The following IRAG2 variants were observed in gnomAD, a reference collection of about 807,000 sequenced individuals.
IRAG2 encodes the protein lymphoid restricted membrane protein.
A neutral mutation model predicts 69.9 loss-of-function variants in IRAG2; 45 were observed. That is an observed-to-expected ratio of 0.64 (90% confidence interval 0.51 to 0.83). The LOEUF (loss-of-function observed/expected upper bound fraction) is 0.83. Ranked by LOEUF, IRAG2 falls within the 40% of genes least tolerant of loss-of-function variation. The pLI is 0.00. For missense variants in IRAG2, 520 were observed against 587.0 expected (o/e 0.89, Z 1.18); for synonymous variants, 193 against 202.4 (o/e 0.95, Z 0.40).
chr12:25,101,377 C>CT (rs1948742042), intron 16 of IRAG2, 52 bp downstream of exon 16: 1 of 1,352,318 alleles, frequency 7.4e-7, no homozygotes. Flanking sequence ...ACATTCTCCT[C>CT]TTTTTTGCTA....
rs1565562641 is a variant in IRAG2 at position 25,077,253 on chromosome 12, G to GAA, written c.25-1990_25-1989insAA. Among the ~76,000 whole-genome samples the GAA allele has an allele frequency of 3.9e-4, 9 of 22,918 alleles. 1 individual carries two copies. The highest frequency in any genetic ancestry group is 1.2e-3 in the South Asian group (1 of 834). 15.0% of individuals were successfully genotyped at this position (22,918 alleles called of 152,430 possible). A position where few individuals can be genotyped will look rare whatever the true frequency, so the allele number is the denominator to read the frequency against. ...TGATATATATATGAAATATATATAT[G>GAA]ATATATATATGAAATATATATGAAA... On this transcript the variant is annotated intron_variant, in intron 6 of 21. Coordinates refer to ENST00000556887, the MANE Select transcript of IRAG2 (RefSeq NM_001366544.2).
At chr12:25,034,151 T>A (rs762417506) in intron 13 of IRAG2, among the ~76,000 whole-genome samples, 2 of 152,128 alleles carry the variant, frequency 1.3e-5, no homozygotes, top group Non-Finnish European at 2.9e-5. Flanking sequence ...TACAGCAAGG[T>A]TGAAGGTTTG....
At chr12:25,025,662 A>C (rs577944358) in intron 8 of IRAG2, among the ~76,000 whole-genome samples, 1 of 152,346 alleles carries the variant, frequency 6.6e-6, no homozygotes, top group East Asian at 1.9e-4. Context: ...AAAAGCAGGA[A>C]GACCAATTAA....
Position 25,101,917 on chromosome 12 carries a change from C to T in IRAG2, c.890-281C>T, listed in dbSNP as rs73284778. On this transcript the variant is annotated intron_variant, in intron 16 of 21. Transcript: ENST00000556887. ...ATATTTGATACTCTTCTGAACTGTACTTTTGGATTCCTTTCTCCAGCAGAC... is the reference window on the plus strand; with the variant it reads ...ATATTTGATACTCTTCTGAACTGTATTTTTGGATTCCTTTCTCCAGCAGAC... 5,860 of 620,942 alleles carry T rather than the reference C, an allele frequency of 9.4e-3. 241 individuals carry two copies. The highest frequency in any genetic ancestry group is 0.094 in the African/African-American group (5,219 of 55,612). The allele number at this position is 620,942 out of a possible 1,614,324, so 38.5% of individuals were successfully genotyped here. A position where few individuals can be genotyped will look rare whatever the true frequency, so the allele number is the denominator to read the frequency against.
At position 25,108,311 on chromosome 12, in the gene IRAG2, A is replaced by C. The variant is rs1949367673; in HGVS notation, c.*251A>C. On this transcript the variant is annotated 3_prime_UTR_variant, in exon 22 of 22. Coordinates refer to ENST00000556887, the MANE Select transcript of IRAG2 (RefSeq NM_001366544.2). ...ATATATTGTTTGTTAAAGTTTATTG[A>C]AATAAAGAATCATTTAAATCTTCAT... 1 of 546,404 alleles carries C rather than the reference A, an allele frequency of 1.8e-6. No homozygotes were observed. The highest frequency in any genetic ancestry group is 3.1e-6 in the Non-Finnish European group (1 of 321,794). The allele number at this position is 546,404 out of a possible 1,614,324, so 33.8% of individuals were successfully genotyped here.
chr12:25,108,322 C>A lies in IRAG2; in HGVS notation c.*262C>A. 1.9e-6 allele frequency: 1 copy of A among 535,750 alleles called. No homozygotes were observed. Among genetic ancestry groups the A allele is most frequent in the Non-Finnish European group, 3.2e-6 (1 of 314,372 alleles). The allele number at this position is 535,750 out of a possible 1,614,324, so 33.2% of individuals were successfully genotyped here. A position where few individuals can be genotyped will look rare whatever the true frequency, so the allele number is the denominator to read the frequency against. On this transcript the variant is annotated 3_prime_UTR_variant, in exon 22 of 22. Coordinates refer to ENST00000556887, the MANE Select transcript of IRAG2 (RefSeq NM_001366544.2). ...GTTAAAGTTTATTGAAATAAAGAAT[C>A]ATTTAAATCTTCATAGAGTGAAAGC...
intron 5 of IRAG2, among the ~76,000 whole-genome samples, chr12:25,015,977 C>T (rs1944524240): frequency 6.6e-6 from 1 of 152,168 alleles, no homozygotes; most frequent in Non-Finnish European, 1.5e-5. Flanking sequence ...GGATGGATCA[C>T]TTGAAGTCAG....
chr12:25,040,350 A>T (rs28514889), intron 16 of IRAG2, among the ~76,000 whole-genome samples: 1 of 152,108 alleles, frequency 6.6e-6, no homozygotes, highest in Non-Finnish European at 1.5e-5. Context: ...TCTAAAAAAA[A>T]TTTTAAATGA....
chr12:25,007,756 A>G (rs1185995369), intron 2 of IRAG2, among the ~76,000 whole-genome samples: 2 of 152,316 alleles, frequency 1.3e-5, no homozygotes, highest in Non-Finnish European at 2.9e-5. Context: ...TCCTGACCTC[A>G]GGTGATCCAC....
intron 20 of IRAG2, among the ~76,000 whole-genome samples, 172 bp downstream of exon 20, chr12:25,104,634 T>C (rs774677476): frequency 3.3e-5 from 5 of 152,238 alleles, no homozygotes; most frequent in Non-Finnish European, 5.9e-5. Context: ...TGAATATTAA[T>C]ACATTCACTC....
chr12:25,102,450 A>G (rs540634816), intron 17 of IRAG2: 3 of 547,988 alleles, frequency 5.5e-6, no homozygotes, highest in African/African-American at 1.9e-5. Flanking sequence ...AAGTCAGTAC[A>G]ACAATGGTTT....
intron 1 of IRAG2, 46 bp downstream of exon 1, chr12:25,053,002 A>C: frequency 2.5e-6 from 1 of 398,410 alleles, no homozygotes; most frequent in South Asian, 1.3e-4. Flanking sequence ...GTCCACCCTC[A>C]GGCGGGGCAT....
rs762456611 is a variant in IRAG2 at position 25,104,049 on chromosome 12, C to G, written c.1037C>G (p.Ser346Ter). The change falls in exon 19 of 22, where the codon TCA becomes TGA. Residue 346 changes from serine to a stop codon, truncating the protein, a stop_gained. Coordinates refer to ENST00000556887, the MANE Select transcript of IRAG2 (RefSeq NM_001366544.2). LOFTEE classifies it high-confidence loss of function. ...AATAATGATCGATTCAGTAGAAGGT[C>G]AAGCAGTTGGTAAGTGTAATTTTAT... is the stretch of plus-strand genomic sequence containing the variant. ...MENNDRFSRR[S>*]SSWRILGSKQ... The G allele has an allele frequency of 6.2e-7, 1 of 1,613,306 alleles. No homozygotes were observed. The highest frequency in any genetic ancestry group is 2.2e-5 in the East Asian group (1 of 44,786).
intron 17 of IRAG2, chr12:25,103,446 A>C (rs1948864720): frequency 1.2e-5 from 2 of 161,298 alleles, no homozygotes; most frequent in African/African-American, 4.8e-5. Context: ...GAAATATGAA[A>C]ATTCAATTTA....
chr12:25,032,508 A>T (rs1944675734), intron 12 of IRAG2: 1 of 396,694 alleles, frequency 2.5e-6, no homozygotes, highest in Non-Finnish European at 4.4e-6. Context: ...TCTCCATGAG[A>T]ACTTCTTTGT....
chr12:25,052,476 T>C (rs374044308), upstream of IRAG2: 1 of 393,726 alleles, frequency 2.5e-6, no homozygotes. Context: ...GAACTGCAAG[T>C]TCAGTCCCTA....
At chr12:25,015,425 T>C (rs894193585) in exon 5 of IRAG2, 69 of 1,230,812 alleles carry the variant, frequency 5.6e-5, no homozygotes, top group Non-Finnish European at 6.9e-5. Flanking sequence ...TCTAAAGGAG[T>C]CTTGTAAGCC....
At chr12:25,103,640 T>A (rs1019367965) in intron 17 of IRAG2, 197 bp from the exon 18 acceptor site, 2 of 531,760 alleles carry the variant, frequency 3.8e-6, no homozygotes, top group Non-Finnish European at 6.6e-6. Flanking sequence ...TAATCCAACA[T>A]TGAGTTAGGT....
intron 12 of IRAG2, chr12:25,033,753 G>A: frequency 2.5e-6 from 1 of 395,004 alleles, no homozygotes; most frequent in Non-Finnish European, 4.5e-6. Flanking sequence ...ACATGGCACT[G>A]ATTGTTTCGT....
Sources: allele counts gnomAD v4.1 joint callset (sites outside exome capture counted in the v4.1 genomes callset), GRCh38; gene constraint gnomAD v4.1.1; transcripts MANE v1.5; gene names NCBI Gene and HGNC (gene_info 2026-07-23, HGNC 2026-07-21).